ZFYVE16: variants seen among roughly 807,000 people sequenced by gnomAD.
ZFYVE16 encodes the protein zinc finger FYVE-type containing 16, also known as zinc finger FYVE domain-containing protein 16.
In ZFYVE16, 89 loss-of-function variants were observed where a neutral mutation model predicts 138.1. The observed-to-expected ratio is 0.64, with a 90% CI of 0.54 to 0.77. The LOEUF (loss-of-function observed/expected upper bound fraction) is 0.77, where lower values mean the gene tolerates loss of function less well. ZFYVE16 is among the 30% of genes least tolerant of loss of function. The probability of loss-of-function intolerance (pLI) is 0.00; values close to 1 mark genes in which losing one functional copy is unlikely to be tolerated. For synonymous variants in ZFYVE16, 596 were observed against 618.3 expected (o/e 0.96, Z 0.53); for missense variants, 1,793 against 1,786.7 (o/e 1.00, Z -0.06).
At chr5:80,435,587 G>A (rs1749783853) in intron 3 of ZFYVE16, among the ~76,000 whole-genome samples, 2 of 152,050 alleles carry the variant, frequency 1.3e-5, no homozygotes, top group African/African-American at 4.8e-5. Flanking sequence ...TTTTTTCTAA[G>A]AGACAGGGTC....
intron 1 of ZFYVE16, among the ~76,000 whole-genome samples, chr5:80,415,947 A>C (rs897653091): frequency 3.3e-5 from 5 of 152,026 alleles, no homozygotes; most frequent in African/African-American, 4.8e-5. Flanking sequence ...ATTACAGGCG[A>C]GAGCCACCAC....
In ZFYVE16 at chr5:80,477,565, G is replaced by A; in HGVS notation, c.*188G>A. 2.2e-6 allele frequency: 1 copy of A among 449,336 alleles called. No homozygotes were observed. Among genetic ancestry groups the A allele is most frequent in the Admixed American group, 4.4e-5 (1 of 22,838 alleles). 27.8% of individuals were successfully genotyped at this position (449,336 alleles called of 1,614,324 possible). A position where few individuals can be genotyped will look rare whatever the true frequency, so the allele number is the denominator to read the frequency against. Reference sequence around the variant, plus strand: ...AATATTTAAATATCTAAAAATTTAAGAGATCCATACTTTCTGTAGCTTTAC... The same window carrying A: ...AATATTTAAATATCTAAAAATTTAAAAGATCCATACTTTCTGTAGCTTTAC... On this transcript the variant is annotated 3_prime_UTR_variant, in exon 19 of 19. Coordinates refer to ENST00000505560, the MANE Select transcript of ZFYVE16 (RefSeq NM_001284236.3).
rs144720074 is a variant in ZFYVE16, at chr5:80,442,213, C to G, written c.2420-910C>G. Among the ~76,000 whole-genome samples, 518 of 152,268 alleles carry G rather than the reference C, an allele frequency of 3.4e-3. 4 individuals carry two copies. The highest frequency in any genetic ancestry group is 0.011 in the African/African-American group (471 of 41,540). On this transcript the variant is annotated intron_variant, in intron 5 of 18. Transcript: ENST00000505560. ...CCACCTCCCAGGCTCAAGCAGTCCTCCCACCTCAGCCTCCCTAGTAGTTGG... is the reference window on the plus strand; with the variant it reads ...CCACCTCCCAGGCTCAAGCAGTCCTGCCACCTCAGCCTCCCTAGTAGTTGG...
chr5:80,454,968 A>G (rs1247058385), intron 11 of ZFYVE16: 2 of 152,228 alleles, frequency 1.3e-5, no homozygotes, highest in Non-Finnish European at 2.9e-5. Flanking sequence ...CTAACCAATT[A>G]TCATAATTTT....
In ZFYVE16 at chr5:80,455,740, G is replaced by T; in HGVS notation, c.3656G>T (p.Gly1219Val). 6.3e-7 allele frequency: 1 copy of T among 1,593,208 alleles called. No homozygotes were observed. Among genetic ancestry groups the T allele is most frequent in the South Asian group, 1.2e-5 (1 of 86,616 alleles). ...TSIRGRKPLFGEIGHTIMNLL... is the reference protein window; with the variant it reads ...TSIRGRKPLFVEIGHTIMNLL... ...ATCAGAGGCCGAAAACCTCTTTTTG[G>T]AGAAATAGGACACACTATTATGAAC... The change falls in exon 12 of 19, where the codon GGA becomes GTA. Residue 1219 changes from glycine (G) to valine (V), a missense_variant. Transcript: ENST00000505560.
intron 17 of ZFYVE16, 24 bp from the exon 18 acceptor site, chr5:80,474,639 G>A (rs371554120): frequency 1.3e-6 from 2 of 1,577,730 alleles, no homozygotes; most frequent in South Asian, 1.2e-5. Context: ...ATCATGACTT[G>A]TTTCCTAATT....
chr5:80,411,414 C>G (rs944769454), intron 1 of ZFYVE16, among the ~76,000 whole-genome samples: 1 of 151,974 alleles, frequency 6.6e-6, no homozygotes, highest in Non-Finnish European at 1.5e-5. Flanking sequence ...TATTTTTTTA[C>G]TATGCATTTG....
At chr5:80,467,115 G>C (rs923237400) in intron 15 of ZFYVE16, among the ~76,000 whole-genome samples, 12 of 152,112 alleles carry the variant, frequency 7.9e-5, no homozygotes, top group African/African-American at 2.7e-4. Flanking sequence ...TTACCCAGTG[G>C]GAAAAATCTT....
In ZFYVE16 at chr5:80,482,207, G is replaced by A. The variant is rs1384167017; in HGVS notation, c.*4830G>A. ...AAGGGAAACACTGTTGAAATAAATG[G>A]AAAGCTAAAAGTCTCAGCATAGAAG... On this transcript the variant is annotated 3_prime_UTR_variant, in exon 19 of 19. Coordinates refer to ENST00000505560, the MANE Select transcript of ZFYVE16 (RefSeq NM_001284236.3). 1.3e-5 allele frequency: 2 copies of A among 152,202 alleles called. No homozygotes were observed. Among genetic ancestry groups the A allele is most frequent in the African/African-American group, 4.8e-5 (2 of 41,442 alleles). The allele number at this position is 152,202 out of a possible 1,614,324, so 9.4% of individuals were successfully genotyped here.
intron 11 of ZFYVE16, chr5:80,452,523 A>G (rs1363162216): frequency 6.6e-6 from 1 of 151,440 alleles, no homozygotes; most frequent in East Asian, 1.9e-4. Flanking sequence ...GATATGTGTT[A>G]ATTACTTTTG....
At chr5:80,431,666 C>T (rs1018115617) in intron 2 of ZFYVE16, among the ~76,000 whole-genome samples, 41 of 152,098 alleles carry the variant, frequency 2.7e-4, no homozygotes, top group Non-Finnish European at 5.1e-4. Context: ...TTGCAGATAA[C>T]ATGATTGTAT....
intron 15 of ZFYVE16, among the ~76,000 whole-genome samples, chr5:80,461,129 C>G (rs75572650): frequency 0.021 from 3,195 of 152,282 alleles, 118 homozygotes; most frequent in African/African-American, 0.072. Context: ...CGACATGACA[C>G]TCTATAGAAG....
rs1370577772 is a variant in ZFYVE16, at chr5:80,459,475, T to C, written c.4005T>C (p.Ala1335=). 2 of 1,612,586 alleles carry C rather than the reference T, an allele frequency of 1.2e-6. No individual in the cohort carries two copies. The highest frequency in any genetic ancestry group is 2.7e-5 in the African/African-American group (2 of 74,912). The part of the protein sequence containing the change: ...GALKTSSGFL[A]KSSIVEDGLM... ...TAAAAACATCTTCAGGATTTCTTGC[T>C]AAGTCCAGCATAGTTGAAGGTATGA... The change falls in exon 15 of 19, where the codon GCT becomes GCC. Residue 1335 remains alanine (A), a synonymous_variant. Coordinates refer to ENST00000505560, the MANE Select transcript of ZFYVE16 (RefSeq NM_001284236.3).
chr5:80,415,713 G>A (rs1403081677), intron 1 of ZFYVE16, among the ~76,000 whole-genome samples: 3 of 151,934 alleles, frequency 2.0e-5, no homozygotes, highest in Admixed American at 2.0e-4. Context: ...TATCACCCAG[G>A]CTGGAGTGCA....
At chr5:80,450,671 A>G in intron 10 of ZFYVE16, 85 bp downstream of exon 10, 1 of 1,317,538 alleles carries the variant, frequency 7.6e-7, no homozygotes, top group Non-Finnish European at 1.0e-6. Context: ...TGCTAGCTAT[A>G]CTAAAGATTT....
In ZFYVE16 at chr5:80,436,667, A is replaced by G. The variant is rs898358165; in HGVS notation, c.71-89A>G. On this transcript the variant is annotated intron_variant, in intron 3 of 18. Coordinates refer to ENST00000505560, the MANE Select transcript of ZFYVE16 (RefSeq NM_001284236.3). ...AATCTATGTTCTTTTAAAAAAGTGTATTTAGTTTAGAAGTCTTGGGAAACA... is the reference window on the plus strand; with the variant it reads ...AATCTATGTTCTTTTAAAAAAGTGTGTTTAGTTTAGAAGTCTTGGGAAACA... The G allele has an allele frequency of 9.4e-6, 11 of 1,169,986 alleles. 1 individual carries two copies. The South Asian group carries it at 1.8e-4, about 19-fold the overall frequency. 72.5% of individuals were successfully genotyped at this position (1,169,986 alleles called of 1,614,324 possible). A position where few individuals can be genotyped will look rare whatever the true frequency, so the allele number is the denominator to read the frequency against.
At chr5:80,462,237 T>C (rs533210463) in intron 15 of ZFYVE16, among the ~76,000 whole-genome samples, 2 of 152,292 alleles carry the variant, frequency 1.3e-5, no homozygotes, top group Non-Finnish European at 1.5e-5. Flanking sequence ...TGCCTGAGAC[T>C]GGGTAATTTA....
intron 1 of ZFYVE16, among the ~76,000 whole-genome samples, chr5:80,420,252 G>A (rs1321031846): frequency 2.0e-5 from 3 of 151,774 alleles, no homozygotes; most frequent in African/African-American, 4.8e-5. Flanking sequence ...GATTATAGGC[G>A]TGTACCACCA....
chr5:80,435,898 G>A, intron 3 of ZFYVE16: 4 of 202,148 alleles, frequency 2.0e-5, no homozygotes, highest in Non-Finnish European at 3.2e-5. Flanking sequence ...TTTTTTGAGT[G>A]GAATTTTTAT....
Sources: gnomAD v4.1 joint callset for allele counts (sites outside exome capture counted in the v4.1 genomes callset) on GRCh38, gnomAD v4.1.1 for gene constraint, MANE v1.5 for transcripts, NCBI Gene and HGNC (gene_info 2026-07-23, HGNC 2026-07-21) for gene names.